The following ATG10 variants were observed in gnomAD, a reference collection of about 807,000 sequenced individuals.
The protein encoded by ATG10 is autophagy related 10, also known as ubiquitin-like-conjugating enzyme ATG10.
Under a neutral mutation model 32.1 loss-of-function variants are expected in ATG10, and 30 were observed. That is an observed-to-expected ratio of 0.94 (90% confidence interval 0.70 to 1.27). The LOEUF is 1.27. Among genes scored for constraint, ATG10 ranks in the 50% most tolerant of loss-of-function variants. ATG10 has a pLI of 0.00. For missense variants in ATG10, 233 were observed against 262.3 expected, an observed-to-expected ratio of 0.89 and a Z score of 0.77; for synonymous variants, 87 against 91.5, an observed-to-expected ratio of 0.95 and a Z score of 0.28.
intron 2 of ATG10, among the ~76,000 whole-genome samples, chr5:82,008,618 A>C (rs1194563324): frequency 2.0e-5 from 3 of 152,252 alleles, no homozygotes; most frequent in African/African-American, 7.2e-5. Context: ...TTTAACAAAT[A>C]AGAGCACATG....
intron 5 of ATG10, among the ~76,000 whole-genome samples, chr5:82,241,744 A>C (rs1746810138): frequency 6.6e-6 from 1 of 151,882 alleles, no homozygotes; most frequent in Non-Finnish European, 1.5e-5. Context: ...ATTTACCTAA[A>C]ATAGCCTCTC....
At chr5:81,991,423 C>A (rs1761454113) in intron 2 of ATG10, among the ~76,000 whole-genome samples, 1 of 152,016 alleles carries the variant, frequency 6.6e-6, no homozygotes, top group South Asian at 2.1e-4. Context: ...GACCTGTGAA[C>A]CTTTACTAAA....
rs763168464 is a variant in ATG10 at position 82,058,471 on chromosome 5, A to G, written c.109-24A>G. The G allele has an allele frequency of 3.3e-6, 5 of 1,514,260 alleles. No homozygotes were observed. In the East Asian group the frequency reaches 9.0e-5, roughly 27 times the overall value. 93.8% of individuals were successfully genotyped at this position (1,514,260 alleles called of 1,614,324 possible). On this transcript the variant is annotated intron_variant, in intron 2 of 7. Coordinates refer to ENST00000282185, the MANE Select transcript of ATG10 (RefSeq NM_031482.5). ...CTTAAAATAATTGGCATTTTCTTAT[A>G]TATTTTTTGGTGATGAAACACAGGA...
At position 82,105,232 on chromosome 5, in the gene ATG10, C is replaced by T. The variant is rs549128167; in HGVS notation, c.216+46630C>T. Reference sequence around the variant, plus strand: ...GTTTCCTTTTTGCAATAAACCACATCGTAAATTTCCTGTGTTCATTCATCA... The same window carrying T: ...GTTTCCTTTTTGCAATAAACCACATTGTAAATTTCCTGTGTTCATTCATCA... On this transcript the variant is annotated intron_variant, in intron 3 of 7. Coordinates refer to ENST00000282185, the MANE Select transcript of ATG10 (RefSeq NM_031482.5). Among the ~76,000 whole-genome samples, 87 of 152,046 alleles carry T rather than the reference C, an allele frequency of 5.7e-4. 1 individual carries two copies. The highest frequency in any genetic ancestry group is 1.1e-3 in the Non-Finnish European group (75 of 67,968).
chr5:82,242,896 A>G (rs960371117), intron 5 of ATG10: 13 of 441,266 alleles, frequency 2.9e-5, no homozygotes, highest in Non-Finnish European at 4.9e-5. Context: ...AGCAAAAAGA[A>G]TAGTAAAATG....
Position 82,254,917 on chromosome 5 carries a change from T to G in ATG10, c.*854T>G, listed in dbSNP as rs1255274116. On this transcript the variant is annotated 3_prime_UTR_variant, in exon 8 of 8. Coordinates refer to ENST00000282185, the MANE Select transcript of ATG10 (RefSeq NM_031482.5). ...GAGTGTGAGTGTGTGTGTGTGTGTG[T>G]GTGTATGTGTGGGTGTTTGTGTAGA... is the stretch of plus-strand genomic sequence containing the variant. The G allele has an allele frequency of 6.6e-6, 1 of 151,830 alleles. No individual in the cohort carries two copies. Among genetic ancestry groups the G allele is most frequent in the Non-Finnish European group, 1.5e-5 (1 of 67,952 alleles). The allele number at this position is 151,830 out of a possible 1,614,324, so 9.4% of individuals were successfully genotyped here. A position where few individuals can be genotyped will look rare whatever the true frequency, so the allele number is the denominator to read the frequency against.
At chr5:82,052,515 T>C (rs1392055670) in intron 2 of ATG10, among the ~76,000 whole-genome samples, 3 of 152,198 alleles carry the variant, frequency 2.0e-5, no homozygotes, top group African/African-American at 7.2e-5. Context: ...TGGAGGCATA[T>C]GTGCAAAGGG....
chr5:82,092,535 G>A (rs1485478389), intron 3 of ATG10, among the ~76,000 whole-genome samples: 3 of 152,168 alleles, frequency 2.0e-5, no homozygotes, highest in Non-Finnish European at 2.9e-5. Flanking sequence ...TTCTGAGGCT[G>A]CTTTCACCTG....
intron 5 of ATG10, among the ~76,000 whole-genome samples, chr5:82,215,933 C>T (rs1745660390): frequency 7.4e-6 from 1 of 135,172 alleles, no homozygotes; most frequent in Non-Finnish European, 1.5e-5. Context: ...GAAACTCCAT[C>T]TCAAAAAAAA....
chr5:82,248,655 G>T (rs906410945), intron 5 of ATG10, among the ~76,000 whole-genome samples: 1 of 152,056 alleles, frequency 6.6e-6, no homozygotes, highest in African/African-American at 2.4e-5. Context: ...TCTGGGGAGA[G>T]GATTTGCTGA....
chr5:82,033,902 T>C (rs1320875371), intron 2 of ATG10, among the ~76,000 whole-genome samples: 2 of 149,562 alleles, frequency 1.3e-5, no homozygotes, highest in East Asian at 3.9e-4. Context: ...GATGTATATA[T>C]GTACTATGTA....
chr5:82,015,115 G>T (rs908962707), intron 2 of ATG10, among the ~76,000 whole-genome samples: 8 of 151,762 alleles, frequency 5.3e-5, no homozygotes, highest in African/African-American at 1.9e-4. Flanking sequence ...TGTGATTCTG[G>T]GTTGGAAATT....
chr5:82,088,394 G>T (rs1339929093), intron 3 of ATG10, among the ~76,000 whole-genome samples: 2 of 152,110 alleles, frequency 1.3e-5, no homozygotes, highest in Non-Finnish European at 2.9e-5. Flanking sequence ...TTAGAGAAGG[G>T]AAAAATTGCA....
intron 3 of ATG10, among the ~76,000 whole-genome samples, chr5:82,071,579 C>T (rs1350681151): frequency 6.6e-6 from 1 of 152,050 alleles, no homozygotes; most frequent in Non-Finnish European, 1.5e-5. Flanking sequence ...GTATCTAGTA[C>T]CTTTTCCTCC....
At chr5:82,011,110 A>G (rs1442020028) in intron 2 of ATG10, among the ~76,000 whole-genome samples, 2 of 152,162 alleles carry the variant, frequency 1.3e-5, no homozygotes, top group Non-Finnish European at 2.9e-5. Context: ...AAGCAGTCTC[A>G]TGGATTAAAG....
chr5:82,158,772 T>A (rs1469865277), intron 3 of ATG10, among the ~76,000 whole-genome samples: 2 of 152,138 alleles, frequency 1.3e-5, no homozygotes, highest in East Asian at 1.9e-4. Flanking sequence ...ACGATTATGA[T>A]GTTCAGAACA....
chr5:81,983,773 C>T (rs551347515), intron 1 of ATG10, among the ~76,000 whole-genome samples: 10 of 151,738 alleles, frequency 6.6e-5, no homozygotes, highest in African/African-American at 2.2e-4. Flanking sequence ...GGAGGGTCTC[C>T]TCACTTCTCA....
intron 3 of ATG10, among the ~76,000 whole-genome samples, chr5:82,152,583 G>A (rs1340694851): frequency 6.6e-6 from 1 of 152,226 alleles, no homozygotes; most frequent in Non-Finnish European, 1.5e-5. Flanking sequence ...GGTGAGGGTA[G>A]AGGGCCAGCC....
chr5:82,120,018 G>GTA (rs1334069608), intron 3 of ATG10, among the ~76,000 whole-genome samples: 1 of 148,324 alleles, frequency 6.7e-6, no homozygotes, highest in East Asian at 2.0e-4. Context: ...GTGTGTGTGT[G>GTA]TACGCACGCA....
Sources: gnomAD v4.1 joint callset for allele counts (sites outside exome capture counted in the v4.1 genomes callset) on GRCh38, gnomAD v4.1.1 for gene constraint, MANE v1.5 for transcripts, NCBI Gene and HGNC (gene_info 2026-07-23, HGNC 2026-07-21) for gene names.